PDCD6: variants seen among roughly 807,000 people sequenced by gnomAD.
PDCD6 encodes programmed cell death 6, also known as programmed cell death protein 6.
A neutral mutation model predicts 28.3 loss-of-function variants in PDCD6; 12 were observed. That is an observed-to-expected ratio of 0.42 (90% confidence interval 0.27 to 0.69). PDCD6 has a LOEUF of 0.69. PDCD6 is among the 30% of genes least tolerant of loss of function. The probability of loss-of-function intolerance (pLI) is 0.22; values close to 1 mark genes in which losing one functional copy is unlikely to be tolerated. For missense variants in PDCD6, 226 were observed against 269.9 expected (o/e 0.84, Z 1.14); for synonymous variants, 92 against 108.0 (o/e 0.85, Z 0.92).
intron 2 of PDCD6, among the ~76,000 whole-genome samples, chr5:274,791 A>C (rs1738078214): frequency 6.6e-6 from 1 of 151,950 alleles, no homozygotes; most frequent in Admixed American, 6.5e-5. Flanking sequence ...AGAGGGAGTT[A>C]GTCCTGCCCC....
At chr5:272,441 GGAAA>G (rs1371339611) in intron 1 of PDCD6, among the ~76,000 whole-genome samples, 2 of 144,868 alleles carry the variant, frequency 1.4e-5, no homozygotes, top group African/African-American at 5.5e-5. Flanking sequence ...TGTGAAAAAG[GGAAA>G]CGGGTGCAAA....
intron 1 of PDCD6, among the ~76,000 whole-genome samples, chr5:272,161 C>T (rs556239476): frequency 4.7e-4 from 71 of 150,688 alleles, no homozygotes; most frequent in African/African-American, 1.7e-3. Context: ...TCGCGGCCAC[C>T]GGCTCCTGGG....
rs149342787 is a variant in PDCD6, at chr5:299,589, G to A, written c.164-4588G>A. On this transcript the variant is annotated intron_variant, in intron 2 of 5. Transcript: ENST00000264933. ...CTTTAAGACAGAGTCTCACTTTGTC[G>A]CCCAGGCTGGAGTCCAGTGGTGCAA... 6.1e-3 allele frequency among the ~76,000 whole-genome samples: 913 copies of A among 149,670 alleles called. 9 individuals are homozygous for A. The highest frequency in any genetic ancestry group is 0.02 in the African/African-American group (803 of 40,758).
intron 2 of PDCD6, among the ~76,000 whole-genome samples, chr5:302,758 A>G (rs1157636228): frequency 6.7e-6 from 1 of 149,854 alleles, no homozygotes; most frequent in East Asian, 2.0e-4. Context: ...GCTTCCCTGC[A>G]TAACTGCTGG....
intron 1 of PDCD6, among the ~76,000 whole-genome samples, chr5:272,088 C>G (rs548335768): frequency 6.8e-6 from 1 of 147,226 alleles, no homozygotes; most frequent in African/African-American, 2.7e-5. Context: ...GCCTCCTGCC[C>G]GGTCCCTGTC....
At position 314,864 on chromosome 5, in the gene PDCD6, T is replaced by C; in HGVS notation, c.*349T>C. ...TTATTAGCCAATAGGAATTTTAAAA[T>C]AACATGGAACTTACACAAAAGGCTT... On this transcript the variant is annotated 3_prime_UTR_variant, in exon 6 of 6. Coordinates refer to ENST00000264933, the MANE Select transcript of PDCD6 (RefSeq NM_013232.4). The C allele has an allele frequency of 2.7e-6, 1 of 370,700 alleles. No homozygotes were observed. Among genetic ancestry groups the C allele is most frequent in the Non-Finnish European group, 5.2e-6 (1 of 192,728 alleles). The allele number at this position is 370,700 out of a possible 1,614,324, so 23.0% of individuals were successfully genotyped here.
chr5:287,051 A>G (rs755269048), intron 2 of PDCD6, among the ~76,000 whole-genome samples: 2 of 151,614 alleles, frequency 1.3e-5, no homozygotes, highest in Non-Finnish European at 2.9e-5. Flanking sequence ...CTGGAGACCC[A>G]CGGAGGAGCT....
At chr5:288,311 TAC>T (rs1554006399) in intron 2 of PDCD6, among the ~76,000 whole-genome samples, 11,854 of 144,914 alleles carry the variant, frequency 0.082, 522 homozygotes, top group Admixed American at 0.14. Context: ...TATATATATA[TAC>T]ACATATGTAT....
At position 290,354 on chromosome 5, in the gene PDCD6, C is replaced by A. The variant is rs1444004327; in HGVS notation, c.164-13823C>A. On this transcript the variant is annotated intron_variant, in intron 2 of 5. Coordinates refer to ENST00000264933, the MANE Select transcript of PDCD6 (RefSeq NM_013232.4). The stretch of plus-strand genomic sequence containing the variant: ...TGGAGTCCCTCACAGCCTCCGCCTC[C>A]CTCCGCAGGTCTCTTGGGGACCGGA... 3 of 1,089,654 alleles carry A rather than the reference C, an allele frequency of 2.8e-6. No homozygotes were observed. In the African/African-American group the frequency reaches 4.5e-5, roughly 16 times the overall value. 67.5% of individuals were successfully genotyped at this position (1,089,654 alleles called of 1,614,324 possible). A position where few individuals can be genotyped will look rare whatever the true frequency, so the allele number is the denominator to read the frequency against.
rs960323215 is a variant in PDCD6, at chr5:314,777, G to A, written c.*262G>A. Reference sequence around the variant, plus strand: ...GTAAATGTAATGTTTCAGGCATTCTGCTTGCAAAAAAATCTATCATGTGCT... The same window carrying A: ...GTAAATGTAATGTTTCAGGCATTCTACTTGCAAAAAAATCTATCATGTGCT... On this transcript the variant is annotated 3_prime_UTR_variant, in exon 6 of 6. Coordinates refer to ENST00000264933, the MANE Select transcript of PDCD6 (RefSeq NM_013232.4). 1.5e-5 allele frequency: 8 copies of A among 539,918 alleles called. No individual in the cohort carries two copies. The highest frequency in any genetic ancestry group is 1.4e-5 in the Non-Finnish European group (4 of 293,728). 33.4% of individuals were successfully genotyped at this position (539,918 alleles called of 1,614,324 possible).
At chr5:275,477 G>T (rs3822759) in intron 2 of PDCD6, among the ~76,000 whole-genome samples, 36,483 of 152,190 alleles carry the variant, frequency 0.24, 6,850 homozygotes, top group African/African-American at 0.53. Context: ...TTTACCTGAT[G>T]ACATTTTCCT....
At chr5:290,196 G>A in intron 2 of PDCD6, 1 of 1,575,208 alleles carries the variant, frequency 6.3e-7, no homozygotes, top group South Asian at 1.1e-5. Flanking sequence ...CTTTAAATTG[G>A]GACCACTGAA....
In PDCD6 at chr5:271,820, A is replaced by T; in HGVS notation, c.100A>T (p.Arg34Trp). 7.0e-7 allele frequency: 1 copy of T among 1,429,050 alleles called. No individual in the cohort carries two copies. Among genetic ancestry groups the T allele is most frequent in the East Asian group, 2.8e-5 (1 of 36,274 alleles). 88.5% of individuals were successfully genotyped at this position (1,429,050 alleles called of 1,614,324 possible). ...DQSFLWNVFQ[R>W]VDKDRSGVIS... ...GAGCTTCCTGTGGAACGTTTTCCAG[A>T]GGTGCGGCCTGGCACCGCCCGGGCA... The change falls in exon 1 of 6, where the codon AGG becomes TGG. Residue 34 changes from arginine (R) to tryptophan (W), a missense_variant and splice_region_variant. Physicochemically the swap from Arg to Trp is moderately radical, Grantham distance 101. Coordinates refer to ENST00000264933, the MANE Select transcript of PDCD6 (RefSeq NM_013232.4).
intron 2 of PDCD6, among the ~76,000 whole-genome samples, chr5:294,798 C>T (rs1219557199): frequency 6.6e-6 from 1 of 152,188 alleles, no homozygotes. Context: ...AAATGTCCAT[C>T]GGCAGGAGGA....
In PDCD6 at chr5:307,668, GC is replaced by G. The variant is rs1465466241; in HGVS notation, c.367+912del. Among the ~76,000 whole-genome samples the G allele has an allele frequency of 2.0e-5, 3 of 152,078 alleles. No individual in the cohort carries two copies. Among genetic ancestry groups the G allele is most frequent in the African/African-American group, 7.2e-5 (3 of 41,394 alleles). On this transcript the variant is annotated intron_variant, in intron 4 of 5. Coordinates refer to ENST00000264933, the MANE Select transcript of PDCD6 (RefSeq NM_013232.4). This position sits in a 1 kb window ranked among gnomAD's most constrained non-coding sequence, Gnocchi z 6.1. ...TTCTAATCCATGCGGATCTCATCTG[GC>G]CCCTGTTGTGAAGCCGCTTCCGTGA...
chr5:279,315 A>G (rs545672370), intron 2 of PDCD6, among the ~76,000 whole-genome samples: 1 of 152,136 alleles, frequency 6.6e-6, no homozygotes, highest in African/African-American at 2.4e-5. Context: ...ATTTTCACAG[A>G]CACGGCACAA....
At chr5:288,714 T>C in intron 2 of PDCD6, 2 of 454,862 alleles carry the variant, frequency 4.4e-6, no homozygotes, top group Non-Finnish European at 7.5e-6. Context: ...TAAAGTACTT[T>C]ATTGTTTTAC....
At chr5:299,668 G>T (rs781692863) in intron 2 of PDCD6, among the ~76,000 whole-genome samples, 7 of 151,646 alleles carry the variant, frequency 4.6e-5, no homozygotes, top group Non-Finnish European at 8.8e-5. Context: ...TCCTGCCTCA[G>T]CCCCCCGAGT....
intron 2 of PDCD6, among the ~76,000 whole-genome samples, chr5:285,227 G>A (rs1738868961): frequency 6.6e-6 from 1 of 151,338 alleles, no homozygotes; most frequent in Non-Finnish European, 1.5e-5. Context: ...CCGTGAAGCT[G>A]TAGACTCAGG....
Sources: allele counts gnomAD v4.1 joint callset (sites outside exome capture counted in the v4.1 genomes callset), GRCh38; gene constraint gnomAD v4.1.1; non-coding constraint Gnocchi (gnomAD v3.1); transcripts MANE v1.5; gene names NCBI Gene and HGNC (gene_info 2026-07-23, HGNC 2026-07-21).